HDAC9: variants seen among roughly 807,000 people sequenced by gnomAD.
HDAC9 encodes the protein MEF-2 interacting transcription repressor (MITR) protein.
Under a neutral mutation model 139.4 loss-of-function variants are expected in HDAC9, and 41 were observed. The observed-to-expected ratio is 0.29, with a 90% confidence interval of 0.23 to 0.38. HDAC9 has a LOEUF of 0.38. HDAC9 is among the 10% of genes least tolerant of loss of function. HDAC9 has a pLI of 1.00. For synonymous variants in HDAC9, 517 were observed against 476.2 expected, an observed-to-expected ratio of 1.09 and a Z score of -1.12; for missense variants, 1,147 against 1,297.0, an observed-to-expected ratio of 0.88 and a Z score of 1.78.
At chr7:18,829,921 T>A (rs1222561515) in intron 19 of HDAC9, among the ~76,000 whole-genome samples, 1 of 117,896 alleles carries the variant, frequency 8.5e-6, no homozygotes, top group African/African-American at 3.9e-5. Context: ...GGTAACCAAT[T>A]GGCCACTTCC....
At chr7:18,516,948 T>TA (rs1180598577) in intron 2 of HDAC9, among the ~76,000 whole-genome samples, 1 of 151,698 alleles carries the variant, frequency 6.6e-6, no homozygotes, top group Non-Finnish European at 1.5e-5. Flanking sequence ...GGCATAATGG[T>TA]AAAAAATTAT....
chr7:18,501,306 G>A (rs1798290534), intron 2 of HDAC9, among the ~76,000 whole-genome samples: 1 of 151,922 alleles, frequency 6.6e-6, no homozygotes, highest in Non-Finnish European at 1.5e-5. Flanking sequence ...GTTAGAGAGA[G>A]GTGAGATGGA....
At chr7:18,729,286 T>C (rs1217518697) in intron 13 of HDAC9, among the ~76,000 whole-genome samples, 2 of 151,378 alleles carry the variant, frequency 1.3e-5, no homozygotes, top group Non-Finnish European at 2.9e-5. Context: ...TTCCTTAATA[T>C]TATAATAATA....
At chr7:18,604,634 C>T (rs1834941250) in intron 6 of HDAC9, among the ~76,000 whole-genome samples, 1 of 152,026 alleles carries the variant, frequency 6.6e-6, no homozygotes, top group African/African-American at 2.4e-5. Context: ...CTCCTGACCT[C>T]ATGATCCGCC....
At chr7:18,920,797 T>A (rs1022658079) in intron 22 of HDAC9, among the ~76,000 whole-genome samples, 9 of 152,176 alleles carry the variant, frequency 5.9e-5, no homozygotes, top group African/African-American at 1.9e-4. Flanking sequence ...GGATTACATT[T>A]ATTGATTTTC....
At chr7:18,510,619 A>G (rs1407171320) in intron 2 of HDAC9, among the ~76,000 whole-genome samples, 1 of 152,198 alleles carries the variant, frequency 6.6e-6, no homozygotes, top group Non-Finnish European at 1.5e-5. Flanking sequence ...TTATTTAATT[A>G]GCTATATTAT....
intron 6 of HDAC9, among the ~76,000 whole-genome samples, chr7:18,617,574 C>G (rs947615542): frequency 3.3e-5 from 5 of 152,156 alleles, no homozygotes; most frequent in Non-Finnish European, 7.4e-5. Context: ...TACCTTCCTA[C>G]CCACCAGGCC....
intron 2 of HDAC9, among the ~76,000 whole-genome samples, chr7:18,242,008 A>G (rs1794220502): frequency 6.6e-6 from 1 of 152,144 alleles, no homozygotes; most frequent in Non-Finnish European, 1.5e-5. Flanking sequence ...GCTTTAGATG[A>G]TGGCTCTGAA....
chr7:18,369,997 A>C lies in HDAC9; in HGVS notation c.-42+79482A>C, dbSNP rs1017255590. ...AAGCATATTCAAGAAGAGTTTTTTT[A>C]AAAAGATGTTTAAGACTTACTTTTC... On this transcript the variant is annotated intron_variant, in intron 1 of 3. Coordinates refer to the HDAC9 transcript ENST00000413509. 2.0e-5 allele frequency among the ~76,000 whole-genome samples: 3 copies of C among 152,278 alleles called. No homozygotes were observed. In the South Asian group the frequency reaches 6.2e-4, roughly 32 times the overall value.
intron 2 of HDAC9, among the ~76,000 whole-genome samples, chr7:18,540,580 C>G (rs1436510042): frequency 6.6e-6 from 1 of 151,860 alleles, no homozygotes; most frequent in African/African-American, 2.4e-5. Flanking sequence ...GGGGGTTAAA[C>G]AGACATGAAA....
At chr7:18,262,312 A>T (rs1355053545) in intron 2 of HDAC9, among the ~76,000 whole-genome samples, 1 of 152,182 alleles carries the variant, frequency 6.6e-6, no homozygotes, top group African/African-American at 2.4e-5. Context: ...GAGACCATGG[A>T]GGTTAGAAGA....
chr7:18,178,154 G>A (rs189422117), intron 2 of HDAC9, among the ~76,000 whole-genome samples: 33 of 151,704 alleles, frequency 2.2e-4, no homozygotes, highest in African/African-American at 7.7e-4. Context: ...CACAATCTTG[G>A]CTTACTGGAA....
intron 23 of HDAC9, chr7:18,948,953 A>T (rs766548738): frequency 2.7e-6 from 1 of 371,670 alleles, no homozygotes; most frequent in Non-Finnish European, 5.1e-6. Flanking sequence ...GTCAGTCATT[A>T]GGAAGCAGTT....
chr7:18,125,142 G>A (rs534504690), intron 1 of HDAC9, among the ~76,000 whole-genome samples: 2 of 152,236 alleles, frequency 1.3e-5, no homozygotes, highest in Admixed American at 1.3e-4. Flanking sequence ...TTGACTCGTG[G>A]CTGAGAACAG....
chr7:19,001,821 A>T lies in HDAC9; in HGVS notation c.*5759A>T, dbSNP rs1195424397. 2.0e-5 allele frequency: 3 copies of T among 152,098 alleles called. No homozygotes were observed. Among genetic ancestry groups the T allele is most frequent in the Non-Finnish European group, 2.9e-5 (2 of 67,974 alleles). 9.4% of individuals were successfully genotyped at this position (152,098 alleles called of 1,614,324 possible). ...GGTTACAGCCTCAGCAATCTGTGTC[A>T]TTTGAAAGCAAATATCCTGATATTT... is the stretch of plus-strand genomic sequence containing the variant. On this transcript the variant is annotated 3_prime_UTR_variant, in exon 26 of 26. Coordinates refer to ENST00000686413, the MANE Select transcript of HDAC9 (RefSeq NM_178425.4).
At chr7:18,332,386 TGTGTGTGAGAGA>T (rs767262832) in intron 1 of HDAC9, among the ~76,000 whole-genome samples, 14 of 141,006 alleles carry the variant, frequency 9.9e-5, no homozygotes, top group South Asian at 4.4e-4. Flanking sequence ...TGTGTGTGTG[TGTGTGTGAGAGA>T]GAGAGAGAGA....
rs368875755 is a variant in HDAC9, at chr7:18,262,922, G to A, written c.25+100573G>A. Among the ~76,000 whole-genome samples, 3 of 131,442 alleles carry A rather than the reference G, an allele frequency of 2.3e-5. No individual in the cohort carries two copies. The East Asian group carries it at 7.2e-4, about 32-fold the overall frequency. 86.2% of individuals were successfully genotyped at this position (131,442 alleles called of 152,430 possible). A position where few individuals can be genotyped will look rare whatever the true frequency, so the allele number is the denominator to read the frequency against. On this transcript the variant is annotated intron_variant, in intron 2 of 12. Transcript: ENST00000417496. ...TATAAAATACAGATTTTTTATAAAA[G>A]AAGGCAATAATAGAGAAAGAGAGGA...
intron 21 of HDAC9, among the ~76,000 whole-genome samples, chr7:18,857,865 A>G (rs1289217004): frequency 6.6e-6 from 1 of 152,120 alleles, no homozygotes; most frequent in Non-Finnish European, 1.5e-5. Context: ...TCCCATTTTC[A>G]ATGGGAATTT....
chr7:18,537,381 T>C (rs1249163750), intron 2 of HDAC9, among the ~76,000 whole-genome samples: 1 of 152,092 alleles, frequency 6.6e-6, no homozygotes, highest in Non-Finnish European at 1.5e-5. Context: ...ACTTGAAAAA[T>C]AGCTTGTATC....
Sources: allele counts gnomAD v4.1 joint callset (sites outside exome capture counted in the v4.1 genomes callset), GRCh38; gene constraint gnomAD v4.1.1; transcripts MANE v1.5; gene names NCBI Gene and HGNC (gene_info 2026-07-23, HGNC 2026-07-21).